TTLL11: variants seen among roughly 807,000 people sequenced by gnomAD.
TTLL11 encodes tubulin polyglutamylase TTLL11.
TTLL11 carries 42 observed loss-of-function variants against 51.7 expected under a neutral mutation model. The observed-to-expected ratio is 0.81, with a 90% CI of 0.64 to 1.05. TTLL11 has a LOEUF of 1.05. TTLL11 is among the 50% of genes least tolerant of loss of function. The pLI, the probability that TTLL11 is intolerant of heterozygous loss-of-function variation, is 0.00. For missense variants in TTLL11, 799 were observed against 940.4 expected, an observed-to-expected ratio of 0.85 and a Z score of 1.97; for synonymous variants, 381 against 383.5, an observed-to-expected ratio of 0.99 and a Z score of 0.08.
chr9:121,883,918 C>CTGGCTGACTGACCTTGGGGAAGG (rs1441639735), intron 6 of TTLL11, among the ~76,000 whole-genome samples: 6 of 152,212 alleles, frequency 3.9e-5, no homozygotes, highest in Admixed American at 6.5e-5. Flanking sequence ...CTGCCACTTC[C>CTGGCTGACTGACCTTGGGGAAGG]TGGCTGACTG....
At chr9:122,045,033 G>A (rs1844962244) in intron 1 of TTLL11, among the ~76,000 whole-genome samples, 1 of 151,902 alleles carries the variant, frequency 6.6e-6, no homozygotes, top group Admixed American at 6.6e-5. Flanking sequence ...TTGAACCCAG[G>A]TGTTTGAGGC....
chr9:122,013,622 G>T (rs1177887145), intron 3 of TTLL11, among the ~76,000 whole-genome samples: 1 of 152,214 alleles, frequency 6.6e-6, no homozygotes, highest in South Asian at 2.1e-4. Flanking sequence ...ACACCACAGG[G>T]ATTGTGCAGG....
chr9:122,028,708 A>C (rs1376703988), intron 3 of TTLL11, among the ~76,000 whole-genome samples: 1 of 152,126 alleles, frequency 6.6e-6, no homozygotes, highest in Non-Finnish European at 1.5e-5. Context: ...TACATCAACA[A>C]CTCCAGAATA....
chr9:121,876,829 C>T (rs547590695), intron 6 of TTLL11, among the ~76,000 whole-genome samples: 43 of 152,300 alleles, frequency 2.8e-4, no homozygotes, highest in African/African-American at 1.0e-3. Context: ...TCACCCCAGA[C>T]CTACTGACTC....
Position 121,822,482 on chromosome 9 carries a change from CCCCTCGGCAG to C in TTLL11, c.*95_*104del. On this transcript the variant is annotated 3_prime_UTR_variant, in exon 9 of 9. Coordinates refer to ENST00000321582, the MANE Select transcript of TTLL11 (RefSeq NM_001139442.2). This position sits in a 1 kb window ranked among gnomAD's most constrained non-coding sequence, Gnocchi z 5.8. The stretch of plus-strand genomic sequence containing the variant: ...ACAGTTCGTGGGGACCTCAGCTGGG[CCCCTCGGCAG>C]CCTGCCTGCCATTCCTCTGCAGGCA... 3 of 1,155,232 alleles carry C rather than the reference CCCCTCGGCAG, an allele frequency of 2.6e-6. No homozygotes were observed. The highest frequency in any genetic ancestry group is 3.5e-6 in the Non-Finnish European group (3 of 852,222). 71.6% of individuals were successfully genotyped at this position (1,155,232 alleles called of 1,614,324 possible). A position where few individuals can be genotyped will look rare whatever the true frequency, so the allele number is the denominator to read the frequency against.
chr9:121,878,462 A>G (rs558730231), intron 6 of TTLL11, among the ~76,000 whole-genome samples: 1 of 152,322 alleles, frequency 6.6e-6, no homozygotes, highest in East Asian at 1.9e-4. Flanking sequence ...AAAGGACCCC[A>G]TGGCGACAAC....
rs1836625598 is a variant in TTLL11, at chr9:121,822,807, T to C, written c.1913A>G (p.His638Arg). 1 of 1,551,674 alleles carries C rather than the reference T, an allele frequency of 6.4e-7. No individual in the cohort carries two copies. Among genetic ancestry groups the C allele is most frequent in the East Asian group, 2.4e-5 (1 of 40,912 alleles). The change falls in exon 9 of 9, where the codon CAT (histidine) becomes CGT (arginine). Residue 638 changes from histidine (H) to arginine (R), a missense_variant. His to Arg is a conservative substitution (Grantham distance 29, BLOSUM62 0). Coordinates refer to ENST00000321582, the MANE Select transcript of TTLL11 (RefSeq NM_001139442.2). The surrounding 1 kb of genome is among the most constrained non-coding windows in gnomAD (Gnocchi z 5.8). ...GTCAATCAGTGAGGCCACCTGCTCA[T>C]GAAGTGGCAGCATCTTGAACTTCCT... ...AQRKFKMLPL[H>R]EQVASLIDLC...
At chr9:122,049,884 G>A (rs1056160657) in intron 1 of TTLL11, among the ~76,000 whole-genome samples, 14 of 152,182 alleles carry the variant, frequency 9.2e-5, no homozygotes, top group African/African-American at 3.1e-4. Context: ...TCAACTGACT[G>A]AGGATAAAGG....
At chr9:121,848,701 GA>G (rs1425503674) in intron 8 of TTLL11, among the ~76,000 whole-genome samples, 1 of 152,072 alleles carries the variant, frequency 6.6e-6, no homozygotes, top group African/African-American at 2.4e-5. Context: ...AAATCTAAGA[GA>G]ATATGTGCAA....
chr9:121,998,149 G>A (rs908037816), intron 3 of TTLL11, among the ~76,000 whole-genome samples: 1 of 152,128 alleles, frequency 6.6e-6, no homozygotes, highest in African/African-American at 2.4e-5. Context: ...GAATGTATAC[G>A]ACTGGTTATA....
chr9:122,077,181 G>A (rs1365785940), intron 1 of TTLL11, among the ~76,000 whole-genome samples: 1 of 152,158 alleles, frequency 6.6e-6, no homozygotes, highest in African/African-American at 2.4e-5. Context: ...CAGAAGGTAG[G>A]TCTGAGTTGT....
At chr9:121,980,735 C>A (rs1441690499) in intron 4 of TTLL11, among the ~76,000 whole-genome samples, 1 of 152,194 alleles carries the variant, frequency 6.6e-6, no homozygotes, top group Non-Finnish European at 1.5e-5. Context: ...GCACTATTCA[C>A]AATAGCAAAG....
Position 121,870,709 on chromosome 9 carries a change from A to G in TTLL11, c.1521T>C (p.Asp507=). 5.2e-6 allele frequency: 8 copies of G among 1,550,204 alleles called. No homozygotes were observed. Among genetic ancestry groups the G allele is most frequent in the Non-Finnish European group, 7.0e-6 (8 of 1,145,830 alleles). The change falls in exon 7 of 9, where the codon GAT becomes GAC. Residue 507 remains aspartate, a synonymous_variant. Transcript: ENST00000321582. ...QLEKPFAGKE[D]ALDGELTSAP... The stretch of plus-strand genomic sequence containing the variant: ...CACTGGTCAGCTCGCCGTCCAAAGC[A>G]TCTTCCTTTCCAGCGAATGGTTTTT...
intron 8 of TTLL11, among the ~76,000 whole-genome samples, chr9:121,856,391 G>T (rs139464605): frequency 6.6e-6 from 1 of 152,284 alleles, no homozygotes; most frequent in East Asian, 1.9e-4. Flanking sequence ...AATACTTGAC[G>T]TGTCTGTGTA....
chr9:122,043,121 G>T (rs1220184135), intron 1 of TTLL11, among the ~76,000 whole-genome samples: 4 of 152,164 alleles, frequency 2.6e-5, no homozygotes, highest in Non-Finnish European at 5.9e-5. Flanking sequence ...AGTTTCATCA[G>T]TTGTAAAAAA....
intron 3 of TTLL11, among the ~76,000 whole-genome samples, chr9:122,012,668 ACACACACACG>A (rs1166779350): frequency 1.4e-5 from 2 of 147,930 alleles, no homozygotes; most frequent in African/African-American, 5.3e-5. Context: ...ACACATACAC[ACACACACACG>A]CACACACACA....
chr9:122,047,753 C>G (rs1176630338), intron 1 of TTLL11, among the ~76,000 whole-genome samples: 4 of 152,178 alleles, frequency 2.6e-5, no homozygotes, highest in Non-Finnish European at 4.4e-5. Flanking sequence ...CCTTACTATG[C>G]TTAGGATGTG....
chr9:121,822,972 G>T lies in TTLL11; in HGVS notation c.1841-93C>A. ...TCCAGCCACAAGGATGTCAGCAAGAGCTAGCCCCGCTCCCCACCACCGTCT... is the reference window on the plus strand; with the variant it reads ...TCCAGCCACAAGGATGTCAGCAAGATCTAGCCCCGCTCCCCACCACCGTCT... On this transcript the variant is annotated intron_variant, in intron 8 of 8. Coordinates refer to ENST00000321582, the MANE Select transcript of TTLL11 (RefSeq NM_001139442.2). The surrounding 1 kb of genome is among the most constrained non-coding windows in gnomAD (Gnocchi z 5.8). 7.4e-7 allele frequency: 1 copy of T among 1,348,176 alleles called. No individual in the cohort carries two copies. Among genetic ancestry groups the T allele is most frequent in the Non-Finnish European group, 1.0e-6 (1 of 1,005,014 alleles). 83.5% of individuals were successfully genotyped at this position (1,348,176 alleles called of 1,614,324 possible).
intron 8 of TTLL11, among the ~76,000 whole-genome samples, chr9:121,857,550 TA>T (rs1837866542): frequency 6.6e-6 from 1 of 152,204 alleles, no homozygotes; most frequent in African/African-American, 2.4e-5. Context: ...ACAAGTGAAG[TA>T]ATCTCAAAAC....
Sources: gnomAD v4.1 joint callset for allele counts (sites outside exome capture counted in the v4.1 genomes callset) on GRCh38, gnomAD v4.1.1 for gene constraint, Gnocchi (gnomAD v3.1) non-coding constraint, MANE v1.5 for transcripts, NCBI Gene and HGNC (gene_info 2026-07-23, HGNC 2026-07-21) for gene names.